The following STK39 variants were observed in gnomAD, a reference collection of about 807,000 sequenced individuals.
STK39 encodes serine/threonine kinase 39, also known as STE20/SPS1-related proline-alanine-rich protein kinase.
STK39 carries 20 observed loss-of-function variants against 77.8 expected under a neutral mutation model. The observed-to-expected ratio is 0.26, with a 90% CI of 0.18 to 0.37. The LOEUF is 0.37. STK39 is among the 10% of genes least tolerant of loss of function. The probability of loss-of-function intolerance (pLI) is 1.00; values close to 1 mark genes in which losing one functional copy is unlikely to be tolerated. For synonymous variants in STK39, 246 were observed against 234.1 expected (o/e 1.05, Z -0.47); for missense variants, 479 against 656.5 (o/e 0.73, Z 2.95).
intron 14 of STK39, among the ~76,000 whole-genome samples, chr2:168,059,851 T>C (rs1685616692): frequency 6.6e-6 from 1 of 152,178 alleles, no homozygotes; most frequent in Non-Finnish European, 1.5e-5. Flanking sequence ...ACCTGGTATA[T>C]CATACAACCA....
chr2:168,029,110 T>C (rs1200743061), intron 14 of STK39, among the ~76,000 whole-genome samples: 1 of 152,180 alleles, frequency 6.6e-6, no homozygotes, highest in Non-Finnish European at 1.5e-5. Flanking sequence ...TGTTAAATAG[T>C]TTCAAAATTA....
intron 1 of STK39, among the ~76,000 whole-genome samples, chr2:168,224,711 T>G (rs1401160814): frequency 6.6e-6 from 1 of 152,230 alleles, no homozygotes; most frequent in East Asian, 1.9e-4. Context: ...ATTTTGCTTA[T>G]GTGCTAAAAA....
chr2:168,073,249 T>G (rs1236081649), intron 12 of STK39, among the ~76,000 whole-genome samples: 1 of 152,210 alleles, frequency 6.6e-6, no homozygotes, highest in African/African-American at 2.4e-5. Context: ...AAGCACACAG[T>G]AAGAGATTAT....
At chr2:167,972,712 C>T (rs903013323) in intron 16 of STK39, among the ~76,000 whole-genome samples, 3 of 152,134 alleles carry the variant, frequency 2.0e-5, no homozygotes, top group African/African-American at 7.2e-5. Flanking sequence ...AGTTGAAAGT[C>T]AGCTTAATAA....
intron 16 of STK39, among the ~76,000 whole-genome samples, chr2:167,980,565 T>A (rs1012773260): frequency 6.6e-6 from 1 of 152,194 alleles, no homozygotes; most frequent in Admixed American, 6.5e-5. Context: ...GGCAGAGCCA[T>A]CTGGCATAAG....
intron 15 of STK39, among the ~76,000 whole-genome samples, chr2:168,015,231 A>C (rs2105317115): frequency 6.6e-6 from 1 of 152,340 alleles, no homozygotes; most frequent in South Asian, 2.1e-4. Flanking sequence ...GGCACACTAA[A>C]CACAAAGGGC....
chr2:167,977,744 G>A (rs1360535906), intron 16 of STK39, among the ~76,000 whole-genome samples: 4 of 152,158 alleles, frequency 2.6e-5, no homozygotes, highest in Non-Finnish European at 5.9e-5. Context: ...TCTGGGGAGA[G>A]GGTGTATGGC....
intron 2 of STK39, among the ~76,000 whole-genome samples, chr2:168,170,109 G>T (rs1559130885): frequency 6.6e-6 from 1 of 152,212 alleles, no homozygotes. Context: ...CCCAGGATAA[G>T]TAATATTTCC....
intron 8 of STK39, among the ~76,000 whole-genome samples, chr2:168,135,562 C>T (rs1369610484): frequency 1.3e-5 from 2 of 152,210 alleles, no homozygotes; most frequent in Non-Finnish European, 2.9e-5. Context: ...TCTCCAATGA[C>T]AAAAGCAAAG....
chr2:168,130,581 T>C (rs990233669), intron 8 of STK39, among the ~76,000 whole-genome samples: 1 of 152,154 alleles, frequency 6.6e-6, no homozygotes, highest in African/African-American at 2.4e-5. Context: ...GGTCATGTTT[T>C]CCCCCACTGC....
chr2:167,994,130 C>T (rs1683770881), intron 16 of STK39, among the ~76,000 whole-genome samples: 1 of 152,180 alleles, frequency 6.6e-6, no homozygotes, highest in South Asian at 2.1e-4. Flanking sequence ...ACCCAAGACA[C>T]TACTACTGAG....
chr2:168,018,923 G>C (rs1015183038), intron 14 of STK39, among the ~76,000 whole-genome samples: 1 of 152,104 alleles, frequency 6.6e-6, no homozygotes, highest in Non-Finnish European at 1.5e-5. Flanking sequence ...CTTTTCCTCA[G>C]TGTCTAGAAA....
chr2:168,148,848 G>A (rs549932266), intron 5 of STK39, among the ~76,000 whole-genome samples: 52 of 152,268 alleles, frequency 3.4e-4, no homozygotes, highest in African/African-American at 1.3e-3. Flanking sequence ...TGCATACAAA[G>A]GAGCCATGTT....
chr2:168,096,241 T>C (rs13389225), intron 10 of STK39, among the ~76,000 whole-genome samples: 57,650 of 151,966 alleles, frequency 0.38, 12,101 homozygotes, highest in East Asian at 0.55. Context: ...AGAACAAGGA[T>C]GTGATTAGAA....
At chr2:167,968,432 G>C (rs1274836610) in intron 16 of STK39, among the ~76,000 whole-genome samples, 2 of 152,212 alleles carry the variant, frequency 1.3e-5, no homozygotes, top group African/African-American at 4.8e-5. Context: ...TGAGTAATCA[G>C]TCAAAAGATA....
At chr2:168,247,064 A>T (rs868559218) in intron 1 of STK39, among the ~76,000 whole-genome samples, 164 bp downstream of exon 1, 12,708 of 119,820 alleles carry the variant, frequency 0.11, 1,123 homozygotes, top group East Asian at 0.39. Flanking sequence ...TAAAAATTAA[A>T]AAAAAAAAAA....
At chr2:168,001,775 G>A (rs1015294984) in intron 16 of STK39, among the ~76,000 whole-genome samples, 2 of 152,150 alleles carry the variant, frequency 1.3e-5, no homozygotes, top group African/African-American at 4.8e-5. Context: ...TTTCATCTGG[G>A]ACTGGGAGAC....
At chr2:167,998,085 G>T (rs1475895724) in intron 16 of STK39, among the ~76,000 whole-genome samples, 1 of 151,518 alleles carries the variant, frequency 6.6e-6, no homozygotes, top group African/African-American at 2.4e-5. Context: ...ATTACATAAA[G>T]AATAAACCCA....
At chr2:168,051,436 T>C (rs1323223850) in intron 14 of STK39, among the ~76,000 whole-genome samples, 1 of 152,158 alleles carries the variant, frequency 6.6e-6, no homozygotes, top group African/African-American at 2.4e-5. Flanking sequence ...TTTTAAGACA[T>C]TTTCTCTTCA....
Sources: gnomAD v4.1 joint callset for allele counts (sites outside exome capture counted in the v4.1 genomes callset) on GRCh38, gnomAD v4.1.1 for gene constraint, MANE v1.5 for transcripts, NCBI Gene and HGNC (gene_info 2026-07-23, HGNC 2026-07-21) for gene names.